The following ACBD6 variants were observed in gnomAD, a reference collection of about 807,000 sequenced individuals.
ACBD6 encodes the protein acyl-CoA-binding domain-containing protein 6.
ACBD6 carries 28 observed loss-of-function variants against 37.2 expected under a neutral mutation model. That is an observed-to-expected ratio of 0.75 (90% confidence interval 0.56 to 1.03). The LOEUF (loss-of-function observed/expected upper bound fraction) is 1.03, where lower values mean the gene tolerates loss of function less well. ACBD6 is among the 50% of genes least tolerant of loss of function. The pLI, the probability that ACBD6 is intolerant of heterozygous loss-of-function variation, is 0.00. For synonymous variants in ACBD6, 113 were observed against 126.8 expected, an observed-to-expected ratio of 0.89 and a Z score of 0.73; for missense variants, 340 against 337.4, an observed-to-expected ratio of 1.01 and a Z score of -0.06.
chr1:180,342,707 A>T (rs1227702071), intron 6 of ACBD6, among the ~76,000 whole-genome samples: 1 of 152,110 alleles, frequency 6.6e-6, no homozygotes, highest in African/African-American at 2.4e-5. Flanking sequence ...AATTGATATT[A>T]AAGCATGAGT....
At chr1:180,337,812 G>A (rs1327559248) in intron 6 of ACBD6, among the ~76,000 whole-genome samples, 1 of 151,912 alleles carries the variant, frequency 6.6e-6, no homozygotes, top group Non-Finnish European at 1.5e-5. Flanking sequence ...AAAGTCTCAG[G>A]GTACAAAATC....
intron 7 of ACBD6, among the ~76,000 whole-genome samples, chr1:180,292,228 T>C (rs927289290): frequency 2.0e-5 from 3 of 152,202 alleles, no homozygotes; most frequent in African/African-American, 7.2e-5. Context: ...GGATTCTGAT[T>C]GGGACCCCGC....
chr1:180,355,338 G>A (rs1429569419), intron 6 of ACBD6, among the ~76,000 whole-genome samples: 3 of 152,136 alleles, frequency 2.0e-5, no homozygotes, highest in Non-Finnish European at 4.4e-5. Flanking sequence ...ATCTTCATAC[G>A]TATATGGAGG....
intron 3 of ACBD6, among the ~76,000 whole-genome samples, chr1:180,452,479 A>AAAT (rs545587170): frequency 0.021 from 3,114 of 151,288 alleles, 101 homozygotes; most frequent in African/African-American, 0.067. Flanking sequence ...TCAAAAAATT[A>AAAT]AATAATAATA....
At chr1:180,288,084 C>T (rs528664029), downstream of ACBD6, 11 of 383,834 alleles carry the variant, frequency 2.9e-5, no homozygotes, top group Middle Eastern at 7.9e-4. Context: ...GATCTGTCTC[C>T]TCTTCTGCCC....
intron 1 of ACBD6, among the ~76,000 whole-genome samples, chr1:180,496,877 C>A (rs1651761326): frequency 6.6e-6 from 1 of 151,800 alleles, no homozygotes. Flanking sequence ...AAAAAAAAAT[C>A]CTGCTAGGTA....
chr1:180,387,603 T>C (rs1289729668), intron 6 of ACBD6, among the ~76,000 whole-genome samples: 1 of 152,172 alleles, frequency 6.6e-6, no homozygotes, highest in Non-Finnish European at 1.5e-5. Flanking sequence ...CAGCATCTGT[T>C]GATAACACCT....
At chr1:180,358,924 TAC>T (rs1409103318) in intron 6 of ACBD6, among the ~76,000 whole-genome samples, 1 of 152,206 alleles carries the variant, frequency 6.6e-6, no homozygotes, top group Admixed American at 6.5e-5. Context: ...CTTCAGTACT[TAC>T]TGCACCAGAA....
intron 6 of ACBD6, among the ~76,000 whole-genome samples, chr1:180,319,387 A>G: frequency 6.6e-6 from 1 of 152,158 alleles, no homozygotes; most frequent in East Asian, 1.9e-4. Context: ...CACAGTAGGT[A>G]TATATATTTG....
At chr1:180,377,896 G>A (rs1262939834) in intron 6 of ACBD6, among the ~76,000 whole-genome samples, 2 of 151,738 alleles carry the variant, frequency 1.3e-5, no homozygotes, top group Admixed American at 1.3e-4. Flanking sequence ...GCAGTGGGCC[G>A]TGATTGCTCC....
At chr1:180,494,846 G>A (rs1252097600) in intron 2 of ACBD6, among the ~76,000 whole-genome samples, 3 of 152,074 alleles carry the variant, frequency 2.0e-5, no homozygotes, top group Admixed American at 2.0e-4. Flanking sequence ...AATGACAAGG[G>A]GGAACTTCTG....
At chr1:180,472,418 C>T (rs1422518810) in intron 3 of ACBD6, among the ~76,000 whole-genome samples, 1 of 152,168 alleles carries the variant, frequency 6.6e-6, no homozygotes, top group Non-Finnish European at 1.5e-5. Flanking sequence ...TTCCTGGAAA[C>T]TCTGGATAAT....
At chr1:180,359,299 G>A (rs1652753766) in intron 6 of ACBD6, among the ~76,000 whole-genome samples, 1 of 152,010 alleles carries the variant, frequency 6.6e-6, no homozygotes, top group Non-Finnish European at 1.5e-5. Context: ...TTTTTAAAAG[G>A]TGACAGTGCC....
intron 3 of ACBD6, among the ~76,000 whole-genome samples, chr1:180,434,482 T>C (rs1648941420): frequency 6.6e-6 from 1 of 152,240 alleles, no homozygotes; most frequent in East Asian, 1.9e-4. Context: ...TTTAAAGATC[T>C]GAATAGGAAA....
intron 3 of ACBD6, among the ~76,000 whole-genome samples, chr1:180,439,828 A>G (rs1649207747): frequency 6.6e-6 from 1 of 152,162 alleles, no homozygotes; most frequent in African/African-American, 2.4e-5. Context: ...TGGTCAGATT[A>G]CTGTTATTGT....
At chr1:180,478,261 A>T (rs1293122380) in intron 3 of ACBD6, among the ~76,000 whole-genome samples, 7 of 152,138 alleles carry the variant, frequency 4.6e-5, no homozygotes. Context: ...TTCTAATCTT[A>T]TAGTTTTTAT....
At chr1:180,286,865 C>T (rs1257478685), downstream of ACBD6, 1 of 152,144 alleles carries the variant, frequency 6.6e-6, no homozygotes, top group Non-Finnish European at 1.5e-5. Flanking sequence ...CAGGTTAGTT[C>T]ATGCTAATGA....
At chr1:180,403,544 T>C (rs1011101517) in intron 5 of ACBD6, among the ~76,000 whole-genome samples, 5 of 152,214 alleles carry the variant, frequency 3.3e-5, no homozygotes, top group African/African-American at 1.2e-4. Context: ...CGGATGTTCA[T>C]TGTAAAATTC....
intron 6 of ACBD6, among the ~76,000 whole-genome samples, chr1:180,319,016 G>A (rs1407251337): frequency 4.6e-5 from 7 of 152,070 alleles, no homozygotes; most frequent in Non-Finnish European, 8.8e-5. Flanking sequence ...TGAGTGTTTT[G>A]TGGTGGGAGA....
Sources: allele counts gnomAD v4.1 joint callset (sites outside exome capture counted in the v4.1 genomes callset), GRCh38; gene constraint gnomAD v4.1.1; transcripts MANE v1.5; gene names NCBI Gene and HGNC (gene_info 2026-07-23, HGNC 2026-07-21).